DMRT1: variants seen among roughly 807,000 people sequenced by gnomAD.
DMRT1 encodes doublesex and mab-3 related transcription factor 1.
DMRT1 carries 7 observed loss-of-function variants against 32.3 expected under a neutral mutation model. That is an observed-to-expected ratio of 0.22 (90% CI 0.12 to 0.41). The LOEUF is 0.41. DMRT1 is among the 10% of genes least tolerant of loss of function. The probability of loss-of-function intolerance (pLI) is 1.00; values close to 1 mark genes in which losing one functional copy is unlikely to be tolerated. For synonymous variants in DMRT1, 278 were observed against 206.1 expected (o/e 1.35, Z -2.99); for missense variants, 625 against 500.5 (o/e 1.25, Z -2.37).
intron 4 of DMRT1, among the ~76,000 whole-genome samples, chr9:929,525 A>G (rs1337239747): frequency 6.6e-6 from 1 of 152,144 alleles, no homozygotes; most frequent in African/African-American, 2.4e-5. Flanking sequence ...ATCCTTGAAC[A>G]TATTAACATA....
In DMRT1 at chr9:849,376, A is replaced by G. The variant is rs140978742; in HGVS notation, c.538+2233A>G. On this transcript the variant is annotated intron_variant, in intron 2 of 4. Coordinates refer to ENST00000382276, the MANE Select transcript of DMRT1 (RefSeq NM_021951.3). ...TAGGTGAAAAAGTCCCTGCCATTCTATCTTGGCAGAGAAGACAGCAGCCAT... is the reference window on the plus strand; with the variant it reads ...TAGGTGAAAAAGTCCCTGCCATTCTGTCTTGGCAGAGAAGACAGCAGCCAT... 6.2e-3 allele frequency among the ~76,000 whole-genome samples: 940 copies of G among 152,342 alleles called. 10 individuals carry two copies. Among genetic ancestry groups the G allele is most frequent in the African/African-American group, 0.022 (899 of 41,584 alleles).
intron 2 of DMRT1, among the ~76,000 whole-genome samples, chr9:863,735 A>G (rs150215557): frequency 0.015 from 2,284 of 152,316 alleles, 33 homozygotes; most frequent in Non-Finnish European, 0.024. Context: ...ATTTCTGGTG[A>G]TTTGTTAACA....
At chr9:941,737 G>GA (rs1429471891) in intron 4 of DMRT1, among the ~76,000 whole-genome samples, 1 of 152,002 alleles carries the variant, frequency 6.6e-6, no homozygotes, top group African/African-American at 2.4e-5. Context: ...AGGAAGAAAA[G>GA]AAAAAAGTAT....
intron 3 of DMRT1, among the ~76,000 whole-genome samples, chr9:906,723 C>A (rs1013943424): frequency 6.6e-6 from 1 of 152,166 alleles, no homozygotes; most frequent in Admixed American, 6.5e-5. Flanking sequence ...TTATTTGCTC[C>A]AGAAGTAGAG....
chr9:914,442 C>T (rs915024552), intron 3 of DMRT1, among the ~76,000 whole-genome samples: 46 of 151,800 alleles, frequency 3.0e-4, no homozygotes, highest in African/African-American at 1.0e-3. Context: ...GGCATGGTGG[C>T]GGGCGCCTGT....
At chr9:924,088 T>C (rs78950376) in intron 4 of DMRT1, among the ~76,000 whole-genome samples, 17,061 of 144,192 alleles carry the variant, frequency 0.12, 1,424 homozygotes, top group African/African-American at 0.22. Context: ...TTTTTTTTTT[T>C]CCACCTGGAG....
intron 4 of DMRT1, among the ~76,000 whole-genome samples, chr9:922,348 A>G (rs1818381888): frequency 6.6e-6 from 1 of 152,162 alleles, no homozygotes; most frequent in Admixed American, 6.5e-5. Context: ...GTTGGCTTAT[A>G]TAAGAATGTG....
At chr9:892,658 G>A (rs1460439417) in intron 2 of DMRT1, among the ~76,000 whole-genome samples, 1 of 152,084 alleles carries the variant, frequency 6.6e-6, no homozygotes, top group South Asian at 2.1e-4. Flanking sequence ...CTTGCCCTAA[G>A]CAGTTGCCCT....
At chr9:883,146 G>A (rs1586561590) in intron 2 of DMRT1, among the ~76,000 whole-genome samples, 1 of 151,602 alleles carries the variant, frequency 6.6e-6, no homozygotes, top group East Asian at 2.0e-4. Flanking sequence ...CATTGACGCT[G>A]CACTCCCCTT....
At chr9:844,431 C>T (rs76442406) in intron 1 of DMRT1, among the ~76,000 whole-genome samples, 2,948 of 146,174 alleles carry the variant, frequency 0.02, 82 homozygotes, top group African/African-American at 0.076. Flanking sequence ...GGAGTAGATA[C>T]CTGTGCATTT....
intron 4 of DMRT1, among the ~76,000 whole-genome samples, chr9:964,595 G>A (rs1055578107): frequency 2.0e-5 from 3 of 152,092 alleles, no homozygotes; most frequent in African/African-American, 7.2e-5. Flanking sequence ...AATGATTATA[G>A]GGTAGTATAA....
Position 954,286 on chromosome 9 carries a change from C to T in DMRT1, c.968-13699C>T, listed in dbSNP as rs551655391. Among the ~76,000 whole-genome samples the T allele has an allele frequency of 2.0e-5, 3 of 152,130 alleles. No individual in the cohort carries two copies. In the East Asian group the frequency reaches 5.8e-4, roughly 29 times the overall value. ...GTGCTTTTGGAAGCGTAACAGCCACCAGGGTAAAGTGAAGCAGAGAGAGAA... is the reference window on the plus strand; with the variant it reads ...GTGCTTTTGGAAGCGTAACAGCCACTAGGGTAAAGTGAAGCAGAGAGAGAA... On this transcript the variant is annotated intron_variant, in intron 4 of 4. Transcript: ENST00000382276.
chr9:949,277 G>A lies in DMRT1; in HGVS notation c.968-18708G>A, dbSNP rs549488875. ...GCTACTTGGGAGGCTGAGGCAGGAG[G>A]ATCTCGCTTGAGCCCAGGAGTTCGA... On this transcript the variant is annotated intron_variant, in intron 4 of 4. Transcript: ENST00000382276. Among the ~76,000 whole-genome samples the A allele has an allele frequency of 3.3e-5, 5 of 152,008 alleles. No homozygotes were observed. In the East Asian group the frequency reaches 9.7e-4, roughly 29 times the overall value.
chr9:936,888 A>G (rs932640737), intron 4 of DMRT1, among the ~76,000 whole-genome samples: 1 of 152,226 alleles, frequency 6.6e-6, no homozygotes, highest in African/African-American at 2.4e-5. Context: ...CATACAATTC[A>G]GTAGCGTTAA....
At chr9:925,032 A>C (rs1210419472) in intron 4 of DMRT1, among the ~76,000 whole-genome samples, 1 of 152,200 alleles carries the variant, frequency 6.6e-6, no homozygotes, top group Non-Finnish European at 1.5e-5. Context: ...TAGTCTGGAA[A>C]TAGCAAGACT....
chr9:963,812 C>CACTAT (rs956816253), intron 4 of DMRT1, among the ~76,000 whole-genome samples: 1 of 152,172 alleles, frequency 6.6e-6, no homozygotes, highest in African/African-American at 2.4e-5. Flanking sequence ...TATTTCCAAA[C>CACTAT]ACTATGGTTA....
At chr9:905,473 C>CGTGTGT (rs745430195) in intron 3 of DMRT1, among the ~76,000 whole-genome samples, 2,268 of 143,536 alleles carry the variant, frequency 0.016, 39 homozygotes, top group African/African-American at 0.051. Context: ...CTCCCTTGCC[C>CGTGTGT]CTGTGTGTGT....
At chr9:902,616 G>C (rs1042948712) in intron 3 of DMRT1, among the ~76,000 whole-genome samples, 1 of 151,558 alleles carries the variant, frequency 6.6e-6, no homozygotes, top group Non-Finnish European at 1.5e-5. Flanking sequence ...AGCCTCCTGA[G>C]TAGCTGGGAC....
intron 4 of DMRT1, among the ~76,000 whole-genome samples, chr9:967,357 G>C (rs555085031): frequency 2.0e-5 from 3 of 152,070 alleles, no homozygotes; most frequent in Non-Finnish European, 4.4e-5. Context: ...CAATTTATCT[G>C]ACTTCTATTT....
Sources: gnomAD v4.1 joint callset for allele counts (sites outside exome capture counted in the v4.1 genomes callset) on GRCh38, gnomAD v4.1.1 for gene constraint, MANE v1.5 for transcripts, NCBI Gene and HGNC (gene_info 2026-07-23, HGNC 2026-07-21) for gene names.